FKBP5: variants seen among roughly 807,000 people sequenced by gnomAD.
The protein encoded by FKBP5 is FKBP prolyl isomerase 5.
In FKBP5, 23 loss-of-function variants were observed where a neutral mutation model predicts 50.5. The observed-to-expected ratio is 0.46, with a 90% CI of 0.33 to 0.65. The LOEUF (loss-of-function observed/expected upper bound fraction) is 0.65. FKBP5 is among the 30% of genes least tolerant of loss of function. The pLI is 0.02. For synonymous variants in FKBP5, 176 were observed against 190.6 expected (o/e 0.92, Z 0.63); for missense variants, 411 against 553.1 (o/e 0.74, Z 2.58).
chr6:35,687,725 C>T (rs1051164374), intron 1 of FKBP5, among the ~76,000 whole-genome samples: 5 of 152,182 alleles, frequency 3.3e-5, no homozygotes, highest in Admixed American at 1.3e-4. Context: ...CAAACTGCTT[C>T]ATGCAGAATT....
chr6:35,587,959 A>AAAAG (rs1226169698), intron 7 of FKBP5, among the ~76,000 whole-genome samples: 1 of 152,154 alleles, frequency 6.6e-6, no homozygotes, highest in African/African-American at 2.4e-5. Context: ...CTCTCTATTC[A>AAAAG]AAAGATAACG....
At chr6:35,608,623 G>A (rs1400798560) in intron 5 of FKBP5, among the ~76,000 whole-genome samples, 2 of 152,098 alleles carry the variant, frequency 1.3e-5, no homozygotes, top group Admixed American at 6.5e-5. Context: ...GGAATTTGAG[G>A]CTGCAGTGAG....
chr6:35,673,603 T>C (rs1581872480), intron 1 of FKBP5, among the ~76,000 whole-genome samples: 1 of 152,256 alleles, frequency 6.6e-6, no homozygotes, highest in Non-Finnish European at 1.5e-5. Context: ...TTTATGTTTA[T>C]AATACTATTA....
At chr6:35,694,839 G>A (rs1286584211) in intron 2 of FKBP5, among the ~76,000 whole-genome samples, 3 of 152,022 alleles carry the variant, frequency 2.0e-5, no homozygotes, top group African/African-American at 4.8e-5. Context: ...GGCTTAAAAC[G>A]ATGTCCAGCC....
At chr6:35,592,391 C>G (rs1047339478) in intron 6 of FKBP5, among the ~76,000 whole-genome samples, 6 of 152,112 alleles carry the variant, frequency 3.9e-5, no homozygotes, top group Non-Finnish European at 7.4e-5. Flanking sequence ...AAAATGGAAG[C>G]TGGAGCCAAA....
rs2150977966 is a variant in FKBP5 at position 35,620,280 on chromosome 6, G to A, written c.251-6C>T. 3 of 1,612,826 alleles carry A rather than the reference G, an allele frequency of 1.9e-6. No homozygotes were observed. Among genetic ancestry groups the A allele is most frequent in the South Asian group, 1.1e-5 (1 of 90,980 alleles). On this transcript the variant is annotated splice_polypyrimidine_tract_variant and splice_region_variant and intron_variant, in intron 3 of 10. Transcript: ENST00000357266. ...CCATGCCTTGATGACTTGGCCTAAG[G>A]GAAAGGAAAAGGTAGTTGAAAGCTA...
Position 35,575,775 on chromosome 6 carries a change from G to A in FKBP5, c.*60C>T. On this transcript the variant is annotated 3_prime_UTR_variant, in exon 11 of 11. Coordinates refer to ENST00000357266, the MANE Select transcript of FKBP5 (RefSeq NM_004117.4). ...TTAAACACTGTTCTGTCCTGAGTTGGGGGAAAGCCCATTGAGGAGGGGCCG... is the reference window on the plus strand; with the variant it reads ...TTAAACACTGTTCTGTCCTGAGTTGAGGGAAAGCCCATTGAGGAGGGGCCG... The A allele has an allele frequency of 9.3e-7, 1 of 1,079,828 alleles. No individual in the cohort carries two copies. Among genetic ancestry groups the A allele is most frequent in the Non-Finnish European group, 1.4e-6 (1 of 692,058 alleles). 66.9% of individuals were successfully genotyped at this position (1,079,828 alleles called of 1,614,324 possible). A position where few individuals can be genotyped will look rare whatever the true frequency, so the allele number is the denominator to read the frequency against.
At chr6:35,596,257 A>G (rs1762980009) in intron 6 of FKBP5, among the ~76,000 whole-genome samples, 1 of 152,122 alleles carries the variant, frequency 6.6e-6, no homozygotes, top group South Asian at 2.1e-4. Flanking sequence ...CGGGAGGCTG[A>G]GGCAGGAAAA....
intron 1 of FKBP5, among the ~76,000 whole-genome samples, chr6:35,663,971 T>A (rs1036901076): frequency 6.6e-6 from 1 of 152,222 alleles, no homozygotes; most frequent in African/African-American, 2.4e-5. Flanking sequence ...AGCTAAGTAA[T>A]CTATCCAAGG....
chr6:35,608,135 T>C lies in FKBP5; in HGVS notation c.509-10731A>G, dbSNP rs564663535. Among the ~76,000 whole-genome samples, 6 of 151,926 alleles carry C rather than the reference T, an allele frequency of 3.9e-5. No individual in the cohort carries two copies. In the South Asian group the frequency reaches 1.2e-3, roughly 31 times the overall value. ...ATTAACACAGAAACAGAAAACCAAA[T>C]ACTGCGTGTTCTCACTTATAAGTAG... On this transcript the variant is annotated intron_variant, in intron 5 of 10. Transcript: ENST00000357266.
intron 8 of FKBP5, chr6:35,582,125 A>T (rs1351527436): frequency 1.0e-6 from 1 of 985,196 alleles, no homozygotes; most frequent in African/African-American, 1.8e-5. Context: ...GCCAGGCTAC[A>T]TCCCTCGAAC....
At chr6:35,608,455 G>A (rs1477927715) in intron 5 of FKBP5, among the ~76,000 whole-genome samples, 3 of 152,198 alleles carry the variant, frequency 2.0e-5, no homozygotes, top group Non-Finnish European at 2.9e-5. Context: ...AACTACTTGG[G>A]AGGCTGAAGC....
At chr6:35,642,631 T>A (rs1380217004) in intron 2 of FKBP5, 89 bp downstream of exon 2, 2 of 950,314 alleles carry the variant, frequency 2.1e-6, no homozygotes, top group Non-Finnish European at 3.2e-6. Flanking sequence ...TCAATAAACA[T>A]TATCCACCCC....
Position 35,670,687 on chromosome 6 carries a change from G to A in FKBP5, c.-20+18117C>T, listed in dbSNP as rs191254643. Among the ~76,000 whole-genome samples the A allele has an allele frequency of 4.9e-4, 74 of 150,524 alleles. No homozygotes were observed. In the East Asian group the frequency reaches 0.014, roughly 27 times the overall value. ...GCGGAGGTTGCAGTGAGAAAAGATC[G>A]TGCCACTGCACTCCAGCCTGGGCAA... On this transcript the variant is annotated intron_variant, in intron 1 of 10. Transcript: ENST00000357266.
intron 7 of FKBP5, among the ~76,000 whole-genome samples, chr6:35,589,092 T>TTATATATA (rs201093603): frequency 4.4e-5 from 6 of 135,986 alleles, no homozygotes; most frequent in African/African-American, 1.2e-4. Context: ...ATATATATTT[T>TTATATATA]TATATATATA....
intron 1 of FKBP5, among the ~76,000 whole-genome samples, chr6:35,669,434 C>T (rs771746005): frequency 7.9e-5 from 12 of 152,112 alleles, no homozygotes; most frequent in South Asian, 2.1e-4. Flanking sequence ...CCTTAATATT[C>T]ATCTCTAATT....
At chr6:35,586,812 A>G in intron 8 of FKBP5, 1 of 1,415,954 alleles carries the variant, frequency 7.1e-7, no homozygotes, top group East Asian at 2.5e-5. Flanking sequence ...GGAAGGTTAC[A>G]ATCTAGAGCA....
intron 8 of FKBP5, chr6:35,583,987 G>C: frequency 1.0e-6 from 1 of 985,322 alleles, no homozygotes; most frequent in Non-Finnish European, 1.2e-6. Context: ...TTCTTCCCAG[G>C]AGAAGCACAA....
At chr6:35,615,249 ATCTC>A (rs1763615656) in intron 5 of FKBP5, among the ~76,000 whole-genome samples, 1 of 151,768 alleles carries the variant, frequency 6.6e-6, no homozygotes, top group Admixed American at 6.6e-5. Flanking sequence ...TATATTCTCT[ATCTC>A]TCTGTCTGCT....
Sources: gnomAD v4.1 joint callset for allele counts (sites outside exome capture counted in the v4.1 genomes callset) on GRCh38, gnomAD v4.1.1 for gene constraint, MANE v1.5 for transcripts, NCBI Gene and HGNC (gene_info 2026-07-23, HGNC 2026-07-21) for gene names.